The following CSMD3 variants were observed in gnomAD, a reference collection of about 807,000 sequenced individuals.
CSMD3 encodes the protein CUB and sushi domain-containing protein 3.
A neutral mutation model predicts 435.2 loss-of-function variants in CSMD3; 177 were observed. The ratio of observed to expected loss-of-function variants is 0.41; its 90% CI spans 0.36 to 0.46. The LOEUF (loss-of-function observed/expected upper bound fraction) is 0.46, where lower values mean the gene tolerates loss of function less well. CSMD3 is among the 20% of genes least tolerant of loss of function. CSMD3 has a pLI of 0.34. For missense variants in CSMD3, 4,265 were observed against 4,504.6 expected, an observed-to-expected ratio of 0.95 and a Z score of 1.52; for synonymous variants, 1,656 against 1,520.5, an observed-to-expected ratio of 1.09 and a Z score of -2.07.
chr8:112,745,069 C>T (rs1270325484), intron 13 of CSMD3, among the ~76,000 whole-genome samples: 1 of 152,008 alleles, frequency 6.6e-6, no homozygotes, highest in East Asian at 1.9e-4. Flanking sequence ...TACAGGTAAG[C>T]GTGGTCAGCT....
intron 31 of CSMD3, among the ~76,000 whole-genome samples, chr8:112,489,512 CATTG>C (rs1358316308): frequency 5.9e-5 from 9 of 152,248 alleles, no homozygotes; most frequent in East Asian, 3.9e-4. Context: ...TGATATGTGA[CATTG>C]ATTAAGAAAC....
At chr8:112,719,606 G>A (rs78601121) in intron 13 of CSMD3, among the ~76,000 whole-genome samples, 15 of 152,220 alleles carry the variant, frequency 9.9e-5, no homozygotes, top group African/African-American at 3.6e-4. Flanking sequence ...CCCATCATGA[G>A]AGCTTGACTT....
At chr8:113,248,594 T>C (rs2093303791) in intron 3 of CSMD3, among the ~76,000 whole-genome samples, 1 of 149,238 alleles carries the variant, frequency 6.7e-6, no homozygotes, top group African/African-American at 2.4e-5. Flanking sequence ...TAAATTGCCA[T>C]GTATTTATTT....
intron 4 of CSMD3, among the ~76,000 whole-genome samples, chr8:113,101,819 C>CA (rs2090338797): frequency 6.6e-6 from 1 of 151,580 alleles, no homozygotes; most frequent in African/African-American, 2.4e-5. Context: ...CAGTATCTGA[C>CA]AAAATGGTGA....
Position 113,372,952 on chromosome 8 carries a change from A to G in CSMD3, c.179-58159T>C, listed in dbSNP as rs193167505. Among the ~76,000 whole-genome samples, 1,248 of 151,896 alleles carry G rather than the reference A, an allele frequency of 8.2e-3. 17 individuals are homozygous for G. The highest frequency in any genetic ancestry group is 0.028 in the African/African-American group (1,170 of 41,486). Reference sequence around the variant, plus strand: ...CGAGACTCCGTCTCAAAAAAAAAAAAAAAGAAAGAAAAGACACATTTATAC... The same window carrying G: ...CGAGACTCCGTCTCAAAAAAAAAAAGAAAGAAAGAAAAGACACATTTATAC... On this transcript the variant is annotated intron_variant, in intron 1 of 70. Transcript: ENST00000297405.
chr8:112,342,726 G>T (rs998783661), intron 41 of CSMD3, among the ~76,000 whole-genome samples: 1 of 151,654 alleles, frequency 6.6e-6, no homozygotes, highest in Non-Finnish European at 1.5e-5. Context: ...GTTACTAAAT[G>T]ATTTTTTAAA....
intron 2 of CSMD3, among the ~76,000 whole-genome samples, chr8:113,297,670 A>C (rs1358422021): frequency 6.6e-6 from 1 of 152,116 alleles, no homozygotes; most frequent in African/African-American, 2.4e-5. Flanking sequence ...AGACAAATAT[A>C]GCTGCTCCTA....
intron 1 of CSMD3, among the ~76,000 whole-genome samples, chr8:113,431,793 A>G (rs2094675220): frequency 6.6e-6 from 1 of 151,534 alleles, no homozygotes; most frequent in East Asian, 1.9e-4. Flanking sequence ...ATCAGCTTTC[A>G]CTTATGATAG....
chr8:113,146,899 T>C (rs1202562461), intron 4 of CSMD3, among the ~76,000 whole-genome samples: 1 of 151,654 alleles, frequency 6.6e-6, no homozygotes, highest in Non-Finnish European at 1.5e-5. Context: ...AATAAATTCA[T>C]GTATAATAAA....
intron 33 of CSMD3, 36 bp downstream of exon 33, chr8:112,408,883 C>T (rs2130074131): frequency 6.2e-7 from 1 of 1,612,656 alleles, no homozygotes; most frequent in Non-Finnish European, 8.5e-7. Context: ...AGTCTTTAAT[C>T]AGTAACTGAT....
At chr8:113,334,428 G>C (rs2094054572) in intron 1 of CSMD3, among the ~76,000 whole-genome samples, 2 of 342 alleles carry the variant, frequency 5.8e-3, no homozygotes, top group South Asian at 0.25. Flanking sequence ...TTTTGCAATA[G>C]GCCCACTTGG....
At chr8:113,082,404 A>G (rs796181613) in intron 5 of CSMD3, among the ~76,000 whole-genome samples, 4 of 152,320 alleles carry the variant, frequency 2.6e-5, no homozygotes, top group African/African-American at 9.6e-5. Context: ...AGTAAATCAT[A>G]CAAAGATTAT....
intron 3 of CSMD3, among the ~76,000 whole-genome samples, chr8:113,177,801 ATCTTC>A (rs1277841485): frequency 3.9e-5 from 6 of 152,014 alleles, no homozygotes; most frequent in South Asian, 2.1e-4. Flanking sequence ...TATTTTATTT[ATCTTC>A]TCTTCTCACA....
At chr8:112,475,860 C>A (rs1231502812) in intron 31 of CSMD3, among the ~76,000 whole-genome samples, 1 of 152,076 alleles carries the variant, frequency 6.6e-6, no homozygotes, top group African/African-American at 2.4e-5. Context: ...GCAAGTCAGA[C>A]CTTTGGGTTC....
At chr8:112,273,235 A>G (rs1817689216) in intron 59 of CSMD3, among the ~76,000 whole-genome samples, 1 of 152,150 alleles carries the variant, frequency 6.6e-6, no homozygotes, top group Non-Finnish European at 1.5e-5. Context: ...CTGTAAATAA[A>G]AGATTGAGTT....
rs1586897068 is a variant in CSMD3 at position 112,653,272 on chromosome 8, T to A, written c.3004+2882A>T. Among the ~76,000 whole-genome samples the A allele has an allele frequency of 2.0e-5, 3 of 152,240 alleles. No homozygotes were observed. The South Asian group carries it at 6.2e-4, about 31-fold the overall frequency. ...AAATTCAAAATGGACATTTTTCTTA[T>A]TTATGTAATACAACGTTTGAACATT... On this transcript the variant is annotated intron_variant, in intron 18 of 70. Coordinates refer to ENST00000297405, the MANE Select transcript of CSMD3 (RefSeq NM_198123.2).
chr8:113,328,632 C>A (rs1274764003), intron 1 of CSMD3, among the ~76,000 whole-genome samples: 1 of 150,714 alleles, frequency 6.6e-6, no homozygotes, highest in Non-Finnish European at 1.5e-5. Flanking sequence ...GTACAGGCAG[C>A]AAAACCTGGA....
At chr8:113,192,688 T>C (rs1449281009) in intron 3 of CSMD3, among the ~76,000 whole-genome samples, 2 of 151,576 alleles carry the variant, frequency 1.3e-5, no homozygotes, top group Non-Finnish European at 3.0e-5. Context: ...AGCCAAGAGC[T>C]TTCTTTTGTT....
At chr8:113,049,153 C>T (rs909715094) in intron 5 of CSMD3, among the ~76,000 whole-genome samples, 2 of 152,080 alleles carry the variant, frequency 1.3e-5, no homozygotes, top group African/African-American at 2.4e-5. Context: ...GCAGGAGAAT[C>T]ACTTGAACCT....
Sources: gnomAD v4.1 joint callset for allele counts (sites outside exome capture counted in the v4.1 genomes callset) on GRCh38, gnomAD v4.1.1 for gene constraint, MANE v1.5 for transcripts, NCBI Gene and HGNC (gene_info 2026-07-23, HGNC 2026-07-21) for gene names.